The following NIBAN1 variants were observed in gnomAD, a reference collection of about 807,000 sequenced individuals.
The protein encoded by NIBAN1 is niban apoptosis regulator 1, also known as protein Niban 1.
In NIBAN1, 81 loss-of-function variants were observed where a neutral mutation model predicts 75.1. The ratio of observed to expected loss-of-function variants is 1.08; its 90% CI spans 0.90 to 1.30. The LOEUF (loss-of-function observed/expected upper bound fraction) is 1.30. Ranked by LOEUF, NIBAN1 falls within the 50% of genes most tolerant of loss-of-function variation. The pLI, the probability that NIBAN1 is intolerant of heterozygous loss-of-function variation, is 0.00. For missense variants in NIBAN1, 1,133 were observed against 1,128.1 expected (o/e 1.00, Z -0.06); for synonymous variants, 436 against 424.8 (o/e 1.03, Z -0.32).
intron 4 of NIBAN1, 29 bp from the exon 5 acceptor site, chr1:184,884,829 T>C: frequency 6.2e-7 from 1 of 1,606,854 alleles, no homozygotes; most frequent in South Asian, 1.1e-5. Context: ...CACAAATACC[T>C]TTTAAAACAT....
intron 9 of NIBAN1, among the ~76,000 whole-genome samples, chr1:184,814,482 T>C (rs1384055405): frequency 6.6e-6 from 1 of 152,206 alleles, no homozygotes; most frequent in African/African-American, 2.4e-5. Context: ...ACCTTTTAAG[T>C]AAACTACAAA....
chr1:184,962,163 T>C (rs1658667668), intron 1 of NIBAN1, among the ~76,000 whole-genome samples: 1 of 152,256 alleles, frequency 6.6e-6, no homozygotes, highest in African/African-American at 2.4e-5. Flanking sequence ...ATAATGATTA[T>C]ATGGTTTAAT....
chr1:184,858,467 A>G (rs555584388), intron 5 of NIBAN1, among the ~76,000 whole-genome samples: 15 of 152,332 alleles, frequency 9.8e-5, no homozygotes, highest in African/African-American at 3.1e-4. Context: ...CTCATGGCCA[A>G]TCCGGGAAAG....
At chr1:184,843,101 C>CA (rs1302480921) in intron 5 of NIBAN1, among the ~76,000 whole-genome samples, 2 of 152,146 alleles carry the variant, frequency 1.3e-5, no homozygotes, top group Non-Finnish European at 2.9e-5. Context: ...GAAGCTTTAT[C>CA]AAAAAATATG....
intron 2 of NIBAN1, among the ~76,000 whole-genome samples, chr1:184,895,459 A>G (rs987262987): frequency 6.6e-6 from 1 of 152,136 alleles, no homozygotes; most frequent in Admixed American, 6.6e-5. Flanking sequence ...GAAAGCAATC[A>G]CTTATCCCTA....
At chr1:184,873,431 C>T (rs1429762620) in intron 5 of NIBAN1, among the ~76,000 whole-genome samples, 1 of 152,206 alleles carries the variant, frequency 6.6e-6, no homozygotes, top group East Asian at 1.9e-4. Context: ...GAGCTCCCCG[C>T]CCTTGTCCTT....
chr1:184,946,974 G>A (rs1658240826), intron 1 of NIBAN1, among the ~76,000 whole-genome samples: 1 of 152,030 alleles, frequency 6.6e-6, no homozygotes, highest in African/African-American at 2.4e-5. Flanking sequence ...TCAGGAGGCT[G>A]AGGCAAGAGA....
chr1:184,797,502 A>T (rs556785205), intron 13 of NIBAN1, among the ~76,000 whole-genome samples: 1 of 152,138 alleles, frequency 6.6e-6, no homozygotes, highest in South Asian at 2.1e-4. Context: ...GCAAGGCATG[A>T]TTCCTGAGGA....
intron 1 of NIBAN1, among the ~76,000 whole-genome samples, chr1:184,919,132 C>T (rs1358939029): frequency 6.6e-6 from 1 of 152,204 alleles, no homozygotes; most frequent in African/African-American, 2.4e-5. Flanking sequence ...CAGAAAGACT[C>T]ATCCTAAAGT....
chr1:184,883,293 C>A (rs757117911), intron 5 of NIBAN1, among the ~76,000 whole-genome samples: 6 of 152,162 alleles, frequency 3.9e-5, no homozygotes, highest in African/African-American at 1.2e-4. Context: ...GCTCTTTAAC[C>A]CATTAACTGT....
chr1:184,916,736 T>C (rs139423711), intron 1 of NIBAN1, among the ~76,000 whole-genome samples: 45 of 152,308 alleles, frequency 3.0e-4, no homozygotes, highest in African/African-American at 1.0e-3. Flanking sequence ...GAATGACTTA[T>C]GAATTGATAA....
At chr1:184,900,678 GA>G (rs1369691601) in intron 1 of NIBAN1, among the ~76,000 whole-genome samples, 1 of 152,110 alleles carries the variant, frequency 6.6e-6, no homozygotes, top group Non-Finnish European at 1.5e-5. Flanking sequence ...AGGGAAGAGA[GA>G]AGGAGGAATA....
intron 5 of NIBAN1, among the ~76,000 whole-genome samples, chr1:184,837,196 G>T (rs751693011): frequency 4.6e-5 from 7 of 152,138 alleles, no homozygotes; most frequent in Non-Finnish European, 7.4e-5. Flanking sequence ...CTACTCTCCT[G>T]CCAATAAGCA....
chr1:184,914,706 G>C (rs1657336793), intron 1 of NIBAN1, among the ~76,000 whole-genome samples: 2 of 148,726 alleles, frequency 1.3e-5, no homozygotes, highest in African/African-American at 5.0e-5. Context: ...CAAAATTAAT[G>C]GTTTAGTTAA....
chr1:184,901,285 T>C (rs1228357105), intron 1 of NIBAN1, among the ~76,000 whole-genome samples: 1 of 152,214 alleles, frequency 6.6e-6, no homozygotes. Context: ...TAATAATAGA[T>C]TCTGTAGAAA....
chr1:184,959,579 A>T (rs959333997), intron 1 of NIBAN1, among the ~76,000 whole-genome samples: 2 of 152,128 alleles, frequency 1.3e-5, no homozygotes, highest in Admixed American at 1.3e-4. Context: ...GATGATGGAT[A>T]TTAGATATTG....
In NIBAN1 at chr1:184,809,607, G is replaced by GTA. The variant is rs566265897; in HGVS notation, c.1174-1374_1174-1373dup. ...TAAATACATCAGGGTATATGTGTGT[G>GTA]TATATATATATATACACATATATAT... is the stretch of plus-strand genomic sequence containing the variant. On this transcript the variant is annotated intron_variant, in intron 9 of 13. Transcript: ENST00000367511. Among the ~76,000 whole-genome samples, 583 of 147,422 alleles carry GTA rather than the reference G, an allele frequency of 4.0e-3. 2 individuals carry two copies. Among genetic ancestry groups the GTA allele is most frequent in the Middle Eastern group, 0.018 (5 of 280 alleles).
chr1:184,861,182 C>T (rs1474386971), intron 5 of NIBAN1, among the ~76,000 whole-genome samples: 1 of 152,194 alleles, frequency 6.6e-6, no homozygotes, highest in Admixed American at 6.5e-5. Flanking sequence ...CTGTGTTCCA[C>T]ACACAAACAG....
chr1:184,796,063 G>A lies in NIBAN1; in HGVS notation c.1701C>T (p.Asn567=), dbSNP rs765609592. ...IKEAAILKKH[N]LFEDNMALPS... is the part of the protein sequence containing the mutation. The stretch of plus-strand genomic sequence containing the variant: ...GCAAGGCCATGTTATCTTCAAATAA[G>A]TTGTGTTTCTTCAAGATAGCAGCTT... Residue 567 remains asparagine, a synonymous_variant, in exon 14 of 14, where the codon AAC becomes AAT. Transcript: ENST00000367511. 6.4e-7 allele frequency: 1 copy of A among 1,567,430 alleles called. No individual in the cohort carries two copies. The highest frequency in any genetic ancestry group is 8.6e-7 in the Non-Finnish European group (1 of 1,160,138).
Sources: allele counts gnomAD v4.1 joint callset (sites outside exome capture counted in the v4.1 genomes callset), GRCh38; gene constraint gnomAD v4.1.1; transcripts MANE v1.5; gene names NCBI Gene and HGNC (gene_info 2026-07-23, HGNC 2026-07-21).